The following MSR1 variants were observed in gnomAD, a reference collection of about 807,000 sequenced individuals.
MSR1 encodes macrophage scavenger receptor 1.
Under a neutral mutation model 47.2 loss-of-function variants are expected in MSR1, and 53 were observed. The observed-to-expected ratio is 1.12, with a 90% CI of 0.90 to 1.41. The LOEUF (loss-of-function observed/expected upper bound fraction) is 1.41, where lower values mean the gene tolerates loss of function less well. MSR1 is among the 40% of genes most tolerant of loss of function. The pLI is 0.00. For synonymous variants in MSR1, 239 were observed against 185.6 expected, an observed-to-expected ratio of 1.29 and a Z score of -2.34; for missense variants, 786 against 546.9, an observed-to-expected ratio of 1.44 and a Z score of -4.36.
intron 3 of MSR1, among the ~76,000 whole-genome samples, chr8:16,170,807 C>A (rs1003868573): frequency 6.6e-6 from 1 of 152,144 alleles, no homozygotes; most frequent in African/African-American, 2.4e-5. Flanking sequence ...CTAGGCTACT[C>A]TGAACAAGTT....
At chr8:16,178,779 T>G (rs1039532324) in intron 1 of MSR1, among the ~76,000 whole-genome samples, 1 of 152,160 alleles carries the variant, frequency 6.6e-6, no homozygotes, top group Non-Finnish European at 1.5e-5. Context: ...GTTTCCTGAC[T>G]TTTTAATGAT....
At chr8:16,163,473 G>GA (rs1801217415) in intron 5 of MSR1, among the ~76,000 whole-genome samples, 1 of 151,042 alleles carries the variant, frequency 6.6e-6, no homozygotes, top group Admixed American at 6.6e-5. Context: ...TCAAAATATA[G>GA]AAAAAATCTA....
At chr8:16,113,305 G>T (rs1799805882) in intron 9 of MSR1, among the ~76,000 whole-genome samples, 1 of 151,920 alleles carries the variant, frequency 6.6e-6, no homozygotes, top group Admixed American at 6.6e-5. Context: ...GGGGATTTGG[G>T]TATCTTTAAT....
intron 1 of MSR1, among the ~76,000 whole-genome samples, chr8:16,189,573 A>T (rs1802124064): frequency 9.9e-6 from 1 of 100,838 alleles, no homozygotes; most frequent in African/African-American, 4.9e-5. Flanking sequence ...ATCTTATTTT[A>T]TATATATTTT....
At chr8:16,159,541 ACT>A (rs1168326303) in intron 5 of MSR1, among the ~76,000 whole-genome samples, 19 of 151,886 alleles carry the variant, frequency 1.3e-4, no homozygotes, top group African/African-American at 4.3e-4. Flanking sequence ...AATTACACTA[ACT>A]CTGCAATCAA....
chr8:16,180,081 C>T (rs1360190419), intron 1 of MSR1, among the ~76,000 whole-genome samples: 1 of 143,092 alleles, frequency 7.0e-6, no homozygotes, highest in African/African-American at 2.7e-5. Context: ...GCCATTGTAC[C>T]CGGTCTCTCT....
chr8:16,187,003 A>G (rs1225321485), intron 1 of MSR1, among the ~76,000 whole-genome samples: 1 of 151,992 alleles, frequency 6.6e-6, no homozygotes, highest in Non-Finnish European at 1.5e-5. Context: ...ATCCTCTTAA[A>G]AAGTAAGGCA....
In MSR1 at chr8:16,147,394, G is replaced by C. The variant is rs546154303; in HGVS notation, c.979+2837C>G. ...GGAAAGGGCAAGGTGAGAAGAAAAG[G>C]AGTGTGGGAGGGAGAATAGAAGAAA... On this transcript the variant is annotated intron_variant, in intron 7 of 9. Coordinates refer to ENST00000262101, the MANE Select transcript of MSR1 (RefSeq NM_138715.3). 5.9e-5 allele frequency among the ~76,000 whole-genome samples: 9 copies of C among 152,220 alleles called. No individual in the cohort carries two copies. In the South Asian group the frequency reaches 1.7e-3, roughly 28 times the overall value.
intron 8 of MSR1, among the ~76,000 whole-genome samples, chr8:16,132,439 T>G (rs926581897): frequency 1.3e-5 from 2 of 152,050 alleles, no homozygotes; most frequent in Non-Finnish European, 2.9e-5. Flanking sequence ...TGCAAACAGA[T>G]AGTTTGACTT....
chr8:16,155,588 C>T (rs1362812417), intron 5 of MSR1, among the ~76,000 whole-genome samples: 1 of 152,000 alleles, frequency 6.6e-6, no homozygotes, highest in Non-Finnish European at 1.5e-5. Flanking sequence ...GGAAAATTCA[C>T]ACATGGTAGA....
At chr8:16,110,352 C>G (rs1287588231) in intron 9 of MSR1, 134 bp from the exon 10 acceptor site, 4 of 972,530 alleles carry the variant, frequency 4.1e-6, no homozygotes, top group Non-Finnish European at 6.4e-6. Context: ...GTTCTGTGCT[C>G]TCTAGTAGGA....
chr8:16,122,285 A>G (rs999649903), intron 8 of MSR1, among the ~76,000 whole-genome samples: 1 of 152,172 alleles, frequency 6.6e-6, no homozygotes, highest in African/African-American at 2.4e-5. Context: ...TTGCCTAAAG[A>G]AAACGAGAAA....
At chr8:16,186,197 G>C in intron 1 of MSR1, 1 of 1,535,448 alleles carries the variant, frequency 6.5e-7, no homozygotes, top group Non-Finnish European at 8.7e-7. Flanking sequence ...TGATTGCACT[G>C]AGATAGCACA....
At chr8:16,150,166 AT>A (rs1800813542) in intron 7 of MSR1, 64 bp downstream of exon 7, 8 of 288,370 alleles carry the variant, frequency 2.8e-5, no homozygotes, top group South Asian at 6.3e-5. Flanking sequence ...ATATATATAT[AT>A]ATATAAAATT....
At chr8:16,125,549 A>T (rs1310545335) in intron 8 of MSR1, among the ~76,000 whole-genome samples, 1 of 152,068 alleles carries the variant, frequency 6.6e-6, no homozygotes, top group Non-Finnish European at 1.5e-5. Context: ...ATTTCTTTAC[A>T]TCTCTATGAC....
intron 3 of MSR1, among the ~76,000 whole-genome samples, chr8:16,171,625 G>C (rs1801490846): frequency 6.6e-6 from 1 of 152,158 alleles, no homozygotes; most frequent in African/African-American, 2.4e-5. Flanking sequence ...AGTATTGCTT[G>C]AGTTACTCTG....
intron 1 of MSR1, among the ~76,000 whole-genome samples, chr8:16,183,895 A>G (rs894179825): frequency 7.1e-6 from 1 of 141,340 alleles, no homozygotes; most frequent in Non-Finnish European, 1.5e-5. Context: ...TATAATATAT[A>G]ATTATATATA....
intron 9 of MSR1, among the ~76,000 whole-genome samples, chr8:16,117,694 T>C (rs180955811): frequency 1.8e-3 from 280 of 152,194 alleles, no homozygotes; most frequent in African/African-American, 6.0e-3. Context: ...TCTACAGTGA[T>C]AGCAACCAAA....
chr8:16,149,391 T>A (rs748201210), intron 7 of MSR1, among the ~76,000 whole-genome samples: 1 of 152,006 alleles, frequency 6.6e-6, no homozygotes. Context: ...TATTCCTTTT[T>A]TTTCTTTTTC....
Sources: allele counts gnomAD v4.1 joint callset (sites outside exome capture counted in the v4.1 genomes callset), GRCh38; gene constraint gnomAD v4.1.1; transcripts MANE v1.5; gene names NCBI Gene and HGNC (gene_info 2026-07-23, HGNC 2026-07-21).